Variants in C22orf42 observed in about 807,000 individuals in gnomAD.
C22orf42 encodes the protein uncharacterized protein C22orf42.
Under a neutral mutation model 31.4 loss-of-function variants are expected in C22orf42, and 24 were observed. That is an observed-to-expected ratio of 0.77 (90% CI 0.55 to 1.08). The LOEUF (loss-of-function observed/expected upper bound fraction) is 1.08. Among genes scored for constraint, C22orf42 ranks in the 50% least tolerant of loss-of-function variants. The pLI is 0.00. For synonymous variants in C22orf42, 96 were observed against 112.7 expected, an observed-to-expected ratio of 0.85 and a Z score of 0.94; for missense variants, 276 against 327.3, an observed-to-expected ratio of 0.84 and a Z score of 1.21.
At chr22:32,155,491 G>A (rs569224505) in intron 1 of C22orf42, among the ~76,000 whole-genome samples, 1 of 151,224 alleles carries the variant, frequency 6.6e-6, no homozygotes, top group Non-Finnish European at 1.5e-5. Context: ...GCATACCATG[G>A]AGCTGCTGCG....
chr22:32,151,784 G>A (rs1920988311), intron 4 of C22orf42, among the ~76,000 whole-genome samples: 1 of 152,188 alleles, frequency 6.6e-6, no homozygotes, highest in East Asian at 1.9e-4. Context: ...ATGTGAAATA[G>A]TCACCCTAAG....
At chr22:32,159,988 C>T (rs1603185649), upstream of C22orf42, 1 of 152,336 alleles carries the variant, frequency 6.6e-6, no homozygotes, top group East Asian at 1.9e-4. Context: ...GCACGTTTTT[C>T]TTACACAAAA....
intron 2 of C22orf42, 30 bp from the exon 3 acceptor site, chr22:32,152,656 A>C (rs563004741): frequency 6.2e-7 from 1 of 1,606,820 alleles, no homozygotes; most frequent in African/African-American, 1.3e-5. Flanking sequence ...CAGTCAGTGC[A>C]TTGGTGCTGC....
chr22:32,159,219 G>A lies in C22orf42; in HGVS notation c.-4C>T. ...AGCAAGTCAGTTTGCTCCCCATTGG[G>A]CACCTAAACACACAAAAAAGTCCAA... On this transcript the variant is annotated 5_prime_UTR_variant, in exon 1 of 9. Transcript: ENST00000382097. 6.2e-7 allele frequency: 1 copy of A among 1,612,182 alleles called. No homozygotes were observed. The highest frequency in any genetic ancestry group is 8.5e-7 in the Non-Finnish European group (1 of 1,179,984).
chr22:32,159,438 C>G (rs1921477427), upstream of C22orf42: 1 of 1,403,112 alleles, frequency 7.1e-7, no homozygotes, highest in African/African-American at 1.4e-5. Flanking sequence ...TCACAATGCC[C>G]ATCCCTGCTG....
chr22:32,152,760 A>T, intron 2 of C22orf42, 134 bp from the exon 3 acceptor site: 1 of 796,856 alleles, frequency 1.3e-6, no homozygotes, highest in Non-Finnish European at 2.2e-6. Flanking sequence ...CTGCTGCTGG[A>T]CCATTCTCCT....
chr22:32,150,640 A>G, intron 6 of C22orf42, 161 bp from the exon 7 acceptor site: 1 of 694,378 alleles, frequency 1.4e-6, no homozygotes, highest in South Asian at 1.9e-5. Flanking sequence ...AAGGAAGGCA[A>G]AGGAGAAGGG....
At chr22:32,157,790 A>G (rs1185453482) in intron 1 of C22orf42, among the ~76,000 whole-genome samples, 2 of 152,274 alleles carry the variant, frequency 1.3e-5, no homozygotes, top group African/African-American at 4.8e-5. Flanking sequence ...TCACCTGGTT[A>G]CCAGGAAACA....
Position 32,150,487 on chromosome 22 carries a change from A to G in C22orf42, c.494-8T>C. The stretch of plus-strand genomic sequence containing the variant: ...TGAGATCTTCGACCAAATCTAGGAG[A>G]ACATAGTGACAGTCAGTGCATTGGT... On this transcript the variant is annotated splice_region_variant and splice_polypyrimidine_tract_variant and intron_variant, in intron 6 of 8. Coordinates refer to ENST00000382097, the MANE Select transcript of C22orf42 (RefSeq NM_001010859.3). 2.5e-6 allele frequency: 4 copies of G among 1,614,076 alleles called. No homozygotes were observed. Among genetic ancestry groups the G allele is most frequent in the Non-Finnish European group, 3.4e-6 (4 of 1,179,960 alleles).
At chr22:32,153,692 C>T (rs941839547) in intron 2 of C22orf42, among the ~76,000 whole-genome samples, 1 of 152,118 alleles carries the variant, frequency 6.6e-6, no homozygotes, top group Non-Finnish European at 1.5e-5. Flanking sequence ...CTAAGTATTT[C>T]CTCAGTTACA....
At chr22:32,155,017 C>T (rs1022165203) in intron 1 of C22orf42, among the ~76,000 whole-genome samples, 2 of 152,158 alleles carry the variant, frequency 1.3e-5, no homozygotes, top group African/African-American at 2.4e-5. Context: ...GGGCTACAAC[C>T]CGTATTTTCC....
chr22:32,154,568 G>A (rs549329712), intron 1 of C22orf42, among the ~76,000 whole-genome samples: 31 of 152,346 alleles, frequency 2.0e-4, no homozygotes, highest in Admixed American at 7.2e-4. Context: ...TTATTTAGAT[G>A]AGACAATATA....
rs543816958 is a variant in C22orf42 at position 32,152,141 on chromosome 22, G to T, written c.373-47C>A. ...AGAAACACCATGAGGATCAGATCAT[G>T]CTGGGTTCTGTTGGCAAAGGCCTTT... On this transcript the variant is annotated intron_variant, in intron 3 of 8. Coordinates refer to ENST00000382097, the MANE Select transcript of C22orf42 (RefSeq NM_001010859.3). 39 of 1,585,522 alleles carry T rather than the reference G, an allele frequency of 2.5e-5. No individual in the cohort carries two copies. The East Asian group carries it at 2.9e-4, about 12-fold the overall frequency.
rs544454723 is a variant in C22orf42, at chr22:32,154,342, A to G, written c.233-24T>C. 3.1e-6 allele frequency: 5 copies of G among 1,607,968 alleles called. No individual in the cohort carries two copies. The South Asian group carries it at 3.4e-5, about 11-fold the overall frequency. ...ACCTGCAAGGTAGAGCAGACTTCTT[A>G]TAGATTCTAGGAAATGTATTATAAT... On this transcript the variant is annotated intron_variant, in intron 1 of 8. Transcript: ENST00000382097.
chr22:32,159,266 G>A lies in C22orf42; in HGVS notation c.-51C>T, dbSNP rs368043755. 60 of 1,593,406 alleles carry A rather than the reference G, an allele frequency of 3.8e-5. No individual in the cohort carries two copies. The East Asian group carries it at 1.3e-3, about 34-fold the overall frequency. Reference sequence around the variant, plus strand: ...CCAAGAGGCACAAGGACAGAATGTAGTCGGAGCTCCTCCTCCTTCTACGGC... The same window carrying A: ...CCAAGAGGCACAAGGACAGAATGTAATCGGAGCTCCTCCTCCTTCTACGGC... On this transcript the variant is annotated 5_prime_UTR_variant, in exon 1 of 9. Transcript: ENST00000382097.
At chr22:32,152,142 C>G in intron 3 of C22orf42, 48 bp from the exon 4 acceptor site, 1 of 1,585,342 alleles carries the variant, frequency 6.3e-7, no homozygotes, top group Non-Finnish European at 8.5e-7. Flanking sequence ...TCAGATCATG[C>G]TGGGTTCTGT....
At chr22:32,159,317 C>T, upstream of C22orf42, 7 of 1,500,256 alleles carry the variant, frequency 4.7e-6, no homozygotes, top group Non-Finnish European at 6.2e-6. Flanking sequence ...GGCTGCTGGC[C>T]CTGGCCGTTG....
chr22:32,149,900 G>GC, intron 7 of C22orf42, 120 bp from the exon 8 acceptor site: 1 of 717,978 alleles, frequency 1.4e-6, no homozygotes. Context: ...CAAGTCACTG[G>GC]CCCCCCGAAT....
chr22:32,158,888 C>T (rs900521094), intron 1 of C22orf42, 96 bp downstream of exon 1: 3 of 1,369,094 alleles, frequency 2.2e-6, no homozygotes, highest in Non-Finnish European at 3.1e-6. Context: ...GAGCTGGAAG[C>T]TGAGGATGTC....
Sources: gnomAD v4.1 joint callset for allele counts (sites outside exome capture counted in the v4.1 genomes callset) on GRCh38, gnomAD v4.1.1 for gene constraint, MANE v1.5 for transcripts, NCBI Gene and HGNC (gene_info 2026-07-23, HGNC 2026-07-21) for gene names.